AGAP6: variants seen among roughly 807,000 people sequenced by gnomAD.
AGAP6 encodes the protein ArfGAP with GTPase domain, ankyrin repeat and PH domain 6, also known as arf-GAP with GTPase, ANK repeat and PH domain-containing protein 6.
In AGAP6, 29 loss-of-function variants were observed where a neutral mutation model predicts 63.9. The observed-to-expected ratio is 0.45, with a 90% CI of 0.34 to 0.62. The LOEUF (loss-of-function observed/expected upper bound fraction) is 0.62, where lower values mean the gene tolerates loss of function less well. AGAP6 is among the 20% of genes least tolerant of loss of function. The pLI is 0.01. For missense variants in AGAP6, 493 were observed against 884.9 expected, an observed-to-expected ratio of 0.56 and a Z score of 5.62; for synonymous variants, 199 against 332.9, an observed-to-expected ratio of 0.60 and a Z score of 4.38.
chr10:50,007,833 C>T (rs1156875185), intron 6 of AGAP6, among the ~76,000 whole-genome samples, 192 bp from the exon 7 acceptor site: 16 of 152,076 alleles, frequency 1.1e-4, no homozygotes, highest in African/African-American at 1.4e-4. Flanking sequence ...AAAGACTTCA[C>T]GATACAGGCC....
At chr10:49,991,392 T>TTG (rs1554860863) in intron 2 of AGAP6, among the ~76,000 whole-genome samples, 40 of 149,766 alleles carry the variant, frequency 2.7e-4, no homozygotes, top group Admixed American at 2.2e-3. Context: ...CTGTTTTTTT[T>TTG]TTTTTTTTTT....
At chr10:50,001,278 C>T (rs1188444597) in intron 4 of AGAP6, among the ~76,000 whole-genome samples, 4 of 150,272 alleles carry the variant, frequency 2.7e-5, no homozygotes, top group Non-Finnish European at 4.4e-5. Flanking sequence ...TGCAGTGAGC[C>T]GAGATTGCAC....
intron 7 of AGAP6, 49 bp downstream of exon 7, chr10:50,008,125 T>G: frequency 6.2e-7 from 1 of 1,611,790 alleles, no homozygotes; most frequent in Non-Finnish European, 8.5e-7. Context: ...CACTTGTATC[T>G]GTTTCATGCT....
At chr10:50,008,101 G>A in intron 7 of AGAP6, 25 bp downstream of exon 7, 1 of 1,610,838 alleles carries the variant, frequency 6.2e-7, no homozygotes, top group Non-Finnish European at 8.5e-7. Context: ...TATTGAGGTT[G>A]TATTTTCATC....
chr10:49,996,893 C>T (rs1412463474), intron 4 of AGAP6, among the ~76,000 whole-genome samples: 1 of 151,268 alleles, frequency 6.6e-6, no homozygotes, highest in Non-Finnish European at 1.5e-5. Flanking sequence ...TGTTATTTAC[C>T]ACTCCTTTAT....
chr10:49,994,329 T>G (rs1289269569), intron 3 of AGAP6, 66 bp from the exon 4 acceptor site: 29 of 1,457,178 alleles, frequency 2.0e-5, no homozygotes, highest in Middle Eastern at 2.6e-4. Flanking sequence ...CAGTAAGATG[T>G]TAACAACTAC....
chr10:49,988,819 G>C lies in AGAP6; in HGVS notation c.104G>C (p.Gly35Ala). Residue 35 changes from glycine (G) to alanine (A), a missense_variant, in exon 1 of 8, where the codon GGA becomes GCA. By Grantham distance (60) the Gly-to-Ala change is moderately conservative. This residue lies in a region of AGAP6 where 342 missense variants were observed against 533.4 expected (regional missense o/e 0.64). Coordinates refer to ENST00000412531, the MANE Select transcript of AGAP6 (RefSeq NM_001077665.3). ...CPSESETYEA[G>A]ARDRMAGAPM... ...TCTGAATCTGAGACCTATGAGGCAG[G>C]AGCTAGGGACAGGATGGCAGGAGCG... is the stretch of plus-strand genomic sequence containing the variant. 1 of 1,559,096 alleles carries C rather than the reference G, an allele frequency of 6.4e-7. No individual in the cohort carries two copies.
chr10:50,009,542 A>G lies in AGAP6; in HGVS notation c.1417A>G (p.Met473Val), dbSNP rs782323010. ...CATGGCCCTGCAGTCGATCCAAAAC[A>G]TGCGTGGGAACGCCCACTGTGTGGA... Reference protein sequence around the residue: ...EAMALQSIQNMRGNAHCVDCE... With the variant: ...EAMALQSIQNVRGNAHCVDCE... Residue 473 changes from methionine to valine, a missense_variant, in exon 8 of 8, where the codon ATG becomes GTG. Transcript: ENST00000412531. 35 of 1,613,526 alleles carry G rather than the reference A, an allele frequency of 2.2e-5. No homozygotes were observed. The African/African-American group carries it at 2.8e-4, about 13-fold the overall frequency.
intron 5 of AGAP6, among the ~76,000 whole-genome samples, chr10:50,004,121 G>A (rs1589101984): frequency 1.3e-5 from 2 of 151,492 alleles, no homozygotes; most frequent in African/African-American, 2.4e-5. Flanking sequence ...GGAGGCAGAG[G>A]TTGTGGTGAG....
At position 50,009,772 on chromosome 10, in the gene AGAP6, G is replaced by A; in HGVS notation, c.1647G>A (p.Gln549=). ...LANSIWEGSS[Q]GQTKPSEKST... The stretch of plus-strand genomic sequence containing the variant: ...ACAGCATCTGGGAAGGGAGCAGCCA[G>A]GGGCAGACAAAACCCTCAGAAAAGT... The change falls in exon 8 of 8, where the codon CAG becomes CAA. Residue 549 remains glutamine, a synonymous_variant. Transcript: ENST00000412531. The A allele has an allele frequency of 6.2e-7, 1 of 1,613,986 alleles. No individual in the cohort carries two copies. The highest frequency in any genetic ancestry group is 8.5e-7 in the Non-Finnish European group (1 of 1,179,956).
intron 7 of AGAP6, among the ~76,000 whole-genome samples, chr10:50,008,298 CTTTTTTTTT>C (rs1181143677): frequency 2.5e-5 from 3 of 118,188 alleles, no homozygotes; most frequent in Non-Finnish European, 5.1e-5. Flanking sequence ...GAAGATGTAT[CTTTTTTTTT>C]TTTTTTTTTT....
At chr10:49,989,451 C>T in intron 2 of AGAP6, 75 bp downstream of exon 2, 1 of 1,588,876 alleles carries the variant, frequency 6.3e-7, no homozygotes. Flanking sequence ...CTATTCTCTT[C>T]CTTTTCTCAG....
chr10:49,996,339 G>A (rs115705275), intron 4 of AGAP6, among the ~76,000 whole-genome samples: 4,746 of 151,984 alleles, frequency 0.031, 243 homozygotes, highest in African/African-American at 0.1. Flanking sequence ...TCCAATGTGT[G>A]GTGGTCCCTG....
rs781891166 is a variant in AGAP6 at position 50,009,799 on chromosome 10, C to A, written c.1674C>A (p.Ser558=). ...GGCAGACAAAACCCTCAGAAAAGTC[C>A]ACGAGGGAAGAGAAGGAACGGTGGA... ...SQGQTKPSEK[S]TREEKERWIR... is the part of the protein sequence containing the mutation. Residue 558 remains serine (S), a synonymous_variant, in exon 8 of 8, where the codon TCC becomes TCA. Transcript: ENST00000412531. 2 of 1,613,680 alleles carry A rather than the reference C, an allele frequency of 1.2e-6. No individual in the cohort carries two copies. The highest frequency in any genetic ancestry group is 3.3e-5 in the Admixed American group (2 of 59,998).
intron 6 of AGAP6, 39 bp downstream of exon 6, chr10:50,004,759 T>C (rs374817004): frequency 1.5e-6 from 1 of 677,846 alleles, no homozygotes; most frequent in South Asian, 1.7e-5. Flanking sequence ...TTCTAGCTAA[T>C]TACTTTGCAA....
Position 50,009,795 on chromosome 10 carries a change from A to T in AGAP6, c.1670A>T (p.Lys557Met), listed in dbSNP as rs782446019. ...CAGGGGCAGACAAAACCCTCAGAAA[A>T]GTCCACGAGGGAAGAGAAGGAACGG... ...SSQGQTKPSE[K>M]STREEKERWI... is the part of the protein sequence containing the mutation. Residue 557 changes from lysine to methionine, a missense_variant, in exon 8 of 8, where the codon AAG (lysine) becomes ATG (methionine). Lys to Met is a moderately conservative substitution (Grantham distance 95). Coordinates refer to ENST00000412531, the MANE Select transcript of AGAP6 (RefSeq NM_001077665.3). The T allele has an allele frequency of 3.7e-6, 6 of 1,613,784 alleles. No homozygotes were observed. The highest frequency in any genetic ancestry group is 5.1e-6 in the Non-Finnish European group (6 of 1,179,952).
intron 2 of AGAP6, among the ~76,000 whole-genome samples, chr10:49,990,026 T>G (rs1388436089): frequency 1.3e-5 from 2 of 152,230 alleles, no homozygotes; most frequent in Non-Finnish European, 2.9e-5. Flanking sequence ...AGACTTTTAA[T>G]GTGTAATATA....
At chr10:49,991,538 T>C (rs1451622692) in intron 2 of AGAP6, 138 bp from the exon 3 acceptor site, 2 of 1,217,660 alleles carry the variant, frequency 1.6e-6, no homozygotes, top group Non-Finnish European at 2.3e-6. Context: ...CTCTATCTTA[T>C]GTCTATACAT....
intron 6 of AGAP6, among the ~76,000 whole-genome samples, chr10:50,005,061 A>G (rs1841862352): frequency 6.6e-6 from 1 of 152,138 alleles, no homozygotes; most frequent in Non-Finnish European, 1.5e-5. Context: ...TGTCTTGTGC[A>G]TTGCAGAGAG....
Sources: gnomAD v4.1 joint callset for allele counts (sites outside exome capture counted in the v4.1 genomes callset) on GRCh38, gnomAD v4.1.1 for gene constraint, gnomAD v4.1.1 regional missense constraint, MANE v1.5 for transcripts, NCBI Gene and HGNC (gene_info 2026-07-23, HGNC 2026-07-21) for gene names.